The following MXI1 variants were observed in gnomAD, a reference collection of about 807,000 sequenced individuals.
MXI1 encodes the protein max-interacting protein 1.
MXI1 carries 18 observed loss-of-function variants against 36.9 expected under a neutral mutation model. That is an observed-to-expected ratio of 0.49 (90% CI 0.34 to 0.72). MXI1 has a LOEUF of 0.72. Among genes scored for constraint, MXI1 ranks in the 30% least tolerant of loss-of-function variants. MXI1 has a pLI of 0.01. For missense variants in MXI1, 304 were observed against 379.1 expected (o/e 0.80, Z 1.64); for synonymous variants, 160 against 146.7 (o/e 1.09, Z -0.65).
chr10:110,281,092 T>A (rs1857231219), intron 5 of MXI1, among the ~76,000 whole-genome samples: 1 of 152,174 alleles, frequency 6.6e-6, no homozygotes, highest in African/African-American at 2.4e-5. Flanking sequence ...TTGTTTTTTG[T>A]TTTTGACTTT....
At chr10:110,254,309 C>G (rs1186288390) in intron 3 of MXI1, among the ~76,000 whole-genome samples, 2 of 152,086 alleles carry the variant, frequency 1.3e-5, no homozygotes, top group Admixed American at 1.3e-4. Context: ...TAGGGTGTCA[C>G]AAACCATGCC....
chr10:110,283,844 G>C (rs547228360), intron 5 of MXI1, among the ~76,000 whole-genome samples: 1 of 151,868 alleles, frequency 6.6e-6, no homozygotes, highest in South Asian at 2.1e-4. Flanking sequence ...GCAGTGGTGA[G>C]ACCTTGGCAC....
chr10:110,278,235 T>C (rs1248309015), intron 3 of MXI1, among the ~76,000 whole-genome samples: 1 of 152,196 alleles, frequency 6.6e-6, no homozygotes, highest in Non-Finnish European at 1.5e-5. Flanking sequence ...ATCATAGTTC[T>C]TTTAGGGCAC....
intron 3 of MXI1, among the ~76,000 whole-genome samples, chr10:110,251,315 G>A (rs991177997): frequency 6.6e-6 from 1 of 152,126 alleles, no homozygotes; most frequent in South Asian, 2.1e-4. Context: ...TGAGAGTTAC[G>A]GTTAATATCA....
At chr10:110,252,588 C>T (rs939593540) in intron 3 of MXI1, among the ~76,000 whole-genome samples, 5 of 152,094 alleles carry the variant, frequency 3.3e-5, no homozygotes, top group African/African-American at 7.2e-5. Context: ...CTTTTTATGT[C>T]GCCTTAACAT....
At chr10:110,231,046 T>C (rs1201728651) in intron 2 of MXI1, among the ~76,000 whole-genome samples, 1 of 152,222 alleles carries the variant, frequency 6.6e-6, no homozygotes, top group Non-Finnish European at 1.5e-5. Flanking sequence ...CCTGATATTC[T>C]CAGGTATTAT....
chr10:110,225,886 G>A (rs1590336748), intron 1 of MXI1: 1 of 522,204 alleles, frequency 1.9e-6, no homozygotes, highest in Non-Finnish European at 2.5e-6. Flanking sequence ...ACGATTCCCG[G>A]CAGCCGCGGG....
chr10:110,249,811 T>C (rs758655664), intron 3 of MXI1, among the ~76,000 whole-genome samples: 3 of 152,172 alleles, frequency 2.0e-5, no homozygotes, highest in Admixed American at 6.5e-5. Context: ...TATAAGCTTC[T>C]CTGAGTTATG....
chr10:110,222,974 G>C (rs997504562), intron 1 of MXI1, among the ~76,000 whole-genome samples: 8 of 152,194 alleles, frequency 5.3e-5, no homozygotes, highest in Non-Finnish European at 8.8e-5. Flanking sequence ...GGAGATTTCT[G>C]TACATGAACC....
intron 1 of MXI1, among the ~76,000 whole-genome samples, chr10:110,223,822 CA>C (rs544249501): frequency 2.1e-3 from 230 of 108,686 alleles, no homozygotes; most frequent in South Asian, 4.9e-3. Context: ...AAAGCCTTTA[CA>C]AAAAAAAAAA....
chr10:110,254,986 C>T (rs1590377868), intron 3 of MXI1, among the ~76,000 whole-genome samples: 1 of 152,104 alleles, frequency 6.6e-6, no homozygotes, highest in East Asian at 1.9e-4. Context: ...TCAAAGTAGA[C>T]GAAACCATCA....
intron 1 of MXI1, 141 bp downstream of exon 1, chr10:110,208,223 C>T: frequency 1.2e-6 from 1 of 830,938 alleles, no homozygotes; most frequent in Non-Finnish European, 1.7e-6. Flanking sequence ...CCGATGACAC[C>T]GGAGAAAGGA....
At position 110,287,290 on chromosome 10, in the gene MXI1, A is replaced by G. The variant is rs1857443302; in HGVS notation, c.*2303A>G. The G allele has an allele frequency of 6.6e-6, 1 of 151,710 alleles. No individual in the cohort carries two copies. Among genetic ancestry groups the G allele is most frequent in the Non-Finnish European group, 1.5e-5 (1 of 67,856 alleles). The allele number at this position is 151,710 out of a possible 1,614,324, so 9.4% of individuals were successfully genotyped here. ...GGTGTAGATTGTATGAGTAAGAAGTATTAATTTTTTAAAAGACAAATCAAC... is the reference window on the plus strand; with the variant it reads ...GGTGTAGATTGTATGAGTAAGAAGTGTTAATTTTTTAAAAGACAAATCAAC... On this transcript the variant is annotated 3_prime_UTR_variant, in exon 6 of 6. Transcript: ENST00000332674.
intron 3 of MXI1, among the ~76,000 whole-genome samples, chr10:110,260,465 C>A (rs1856473148): frequency 7.2e-6 from 1 of 138,824 alleles, no homozygotes; most frequent in Non-Finnish European, 1.6e-5. Flanking sequence ...GTGTATACGC[C>A]CACAGATATA....
At chr10:110,219,354 A>G (rs1050089631) in intron 1 of MXI1, among the ~76,000 whole-genome samples, 14 of 152,262 alleles carry the variant, frequency 9.2e-5, no homozygotes, top group Middle Eastern at 3.4e-3. Flanking sequence ...CCTATTACTC[A>G]CTTTTCAAAA....
chr10:110,283,057 G>T (rs566292831), intron 5 of MXI1, among the ~76,000 whole-genome samples: 1 of 152,086 alleles, frequency 6.6e-6, no homozygotes, highest in Non-Finnish European at 1.5e-5. Flanking sequence ...TTGTAGGTTG[G>T]ATGAGTGTTC....
At chr10:110,211,307 G>T (rs929020798) in intron 1 of MXI1, among the ~76,000 whole-genome samples, 2 of 152,184 alleles carry the variant, frequency 1.3e-5, no homozygotes, top group African/African-American at 4.8e-5. Context: ...GGCAGCTCCA[G>T]CCTCTTCTGA....
Position 110,253,702 on chromosome 10 carries a change from T to A in MXI1, c.437+8845T>A, listed in dbSNP as rs181912425. 3.3e-5 allele frequency among the ~76,000 whole-genome samples: 5 copies of A among 152,234 alleles called. No individual in the cohort carries two copies. The East Asian group carries it at 9.6e-4, about 29-fold the overall frequency. ...TCTAGGTTTGAAATTAACCTATAAC[T>A]TCAGCTGGATTAAAAGTCTACAGTT... On this transcript the variant is annotated intron_variant, in intron 3 of 5. Coordinates refer to ENST00000332674, the MANE Select transcript of MXI1 (RefSeq NM_130439.3).
At chr10:110,281,338 T>C (rs1857241846) in intron 5 of MXI1, among the ~76,000 whole-genome samples, 1 of 152,184 alleles carries the variant, frequency 6.6e-6, no homozygotes, top group Non-Finnish European at 1.5e-5. Context: ...GCTATTATAA[T>C]ACCCCACAAA....
Sources: allele counts gnomAD v4.1 joint callset (sites outside exome capture counted in the v4.1 genomes callset), GRCh38; gene constraint gnomAD v4.1.1; transcripts MANE v1.5; gene names NCBI Gene and HGNC (gene_info 2026-07-23, HGNC 2026-07-21).